RSF1: variants seen among roughly 807,000 people sequenced by gnomAD.
RSF1 encodes the protein remodeling and spacing factor 1.
In RSF1, 13 loss-of-function variants were observed where a neutral mutation model predicts 145.2. The ratio of observed to expected loss-of-function variants is 0.09; its 90% CI spans 0.06 to 0.14. The LOEUF (loss-of-function observed/expected upper bound fraction) is 0.14, where lower values mean the gene tolerates loss of function less well. Among genes scored for constraint, RSF1 ranks in the 10% least tolerant of loss-of-function variants. The pLI is 1.00. For missense variants in RSF1, 1,517 were observed against 1,718.2 expected (o/e 0.88, Z 2.07); for synonymous variants, 577 against 592.6 (o/e 0.97, Z 0.38).
intron 1 of RSF1, among the ~76,000 whole-genome samples, chr11:77,767,703 TCTAGTACCAGCAACC>T (rs1380175035): frequency 3.3e-5 from 5 of 152,234 alleles, no homozygotes; most frequent in African/African-American, 1.2e-4. Flanking sequence ...GTGATAGATT[TCTAGTACCAGCAACC>T]TTTTTGTCCC....
chr11:77,828,287 TACAC>T, the RSF1 span, among the ~76,000 whole-genome samples: 2 of 148,972 alleles, frequency 1.3e-5, no homozygotes, highest in Admixed American at 1.3e-4. Context: ...AAAAACAAAA[TACAC>T]AAACAGCAAA....
intron 1 of RSF1, among the ~76,000 whole-genome samples, chr11:77,806,224 T>G (rs1948675720): frequency 6.6e-6 from 1 of 150,538 alleles, no homozygotes. Context: ...GTGGGGCTCT[T>G]AGAAAAAAAA....
chr11:77,715,586 T>C (rs1278249711), intron 5 of RSF1, among the ~76,000 whole-genome samples: 1 of 152,124 alleles, frequency 6.6e-6, no homozygotes, highest in Non-Finnish European at 1.5e-5. Flanking sequence ...TAGCTGGGAT[T>C]ACAGGCTCAT....
rs763300403 is a variant in RSF1, at chr11:77,667,399, A to C, written c.3844T>G (p.Ser1282Ala). Residue 1282 changes from serine to alanine, a missense_variant, in exon 16 of 16, where the codon TCA (serine) becomes GCA (alanine). Coordinates refer to ENST00000308488, the MANE Select transcript of RSF1 (RefSeq NM_016578.4). ...TCCTCCTCCTCCTCATCTGCTTCTG[A>C]ATACTCGTCTGTGCTTCGGCCCCGC... Reference protein sequence around the residue: ...RKRGRSTDEYSEADEEEEEEE... With the variant: ...RKRGRSTDEYAEADEEEEEEE... The C allele has an allele frequency of 4.8e-5, 77 of 1,613,798 alleles. No homozygotes were observed. The South Asian group carries it at 8.1e-4, about 17-fold the overall frequency.
chr11:77,863,811 A>G, the RSF1 span, among the ~76,000 whole-genome samples: 1 of 151,974 alleles, frequency 6.6e-6, no homozygotes, highest in African/African-American at 2.4e-5. Flanking sequence ...CTCTCTGCCT[A>G]CCCCTATAAC....
chr11:77,682,380 A>C (rs1959886606), intron 11 of RSF1, among the ~76,000 whole-genome samples: 1 of 152,230 alleles, frequency 6.6e-6, no homozygotes, highest in Admixed American at 6.5e-5. Context: ...GTGTTATCCC[A>C]GCAGATTTTA....
chr11:77,753,121 T>A (rs559747144), intron 2 of RSF1, among the ~76,000 whole-genome samples: 7 of 152,236 alleles, frequency 4.6e-5, no homozygotes, highest in Admixed American at 3.3e-4. Flanking sequence ...GCCTATGGAG[T>A]AGCCATTCTT....
chr11:77,755,987 C>CA (rs1253737828), intron 2 of RSF1, among the ~76,000 whole-genome samples: 4 of 152,048 alleles, frequency 2.6e-5, no homozygotes. Flanking sequence ...GAAAGACATA[C>CA]AAAGGTATTG....
intron 5 of RSF1, among the ~76,000 whole-genome samples, chr11:77,704,441 G>T (rs1565154504): frequency 6.6e-6 from 1 of 152,156 alleles, no homozygotes; most frequent in Non-Finnish European, 1.5e-5. Context: ...TCATGACCCT[G>T]ATCCAACGTA....
At chr11:77,787,569 T>C (rs72931829) in intron 1 of RSF1, among the ~76,000 whole-genome samples, 19,474 of 151,862 alleles carry the variant, frequency 0.13, 1,412 homozygotes, top group Admixed American at 0.19. Context: ...ATACGTACTA[T>C]CTGGGTCTTT....
At chr11:77,799,993 G>C (rs1002049145) in intron 1 of RSF1, among the ~76,000 whole-genome samples, 3 of 152,088 alleles carry the variant, frequency 2.0e-5, no homozygotes, top group African/African-American at 4.8e-5. Context: ...AGAGTAAAGA[G>C]ACTGAGTCAC....
the RSF1 span, among the ~76,000 whole-genome samples, chr11:77,830,805 A>G: frequency 1.5e-4 from 23 of 152,040 alleles, no homozygotes; most frequent in Non-Finnish European, 2.5e-4. Context: ...GATACTCAAC[A>G]TCATTGATCA....
At chr11:77,731,290 T>C (rs1961201688) in intron 4 of RSF1, among the ~76,000 whole-genome samples, 1 of 152,060 alleles carries the variant, frequency 6.6e-6, no homozygotes, top group Non-Finnish European at 1.5e-5. Flanking sequence ...ATGAAGGAGA[T>C]GATTTAGGGT....
chr11:77,861,574 AC>A, the RSF1 span, among the ~76,000 whole-genome samples: 1 of 152,106 alleles, frequency 6.6e-6, no homozygotes, highest in Non-Finnish European at 1.5e-5. Context: ...GACTCAGAGG[AC>A]CTTCGTCCCC....
At chr11:77,867,893 G>C in the RSF1 span, among the ~76,000 whole-genome samples, 1 of 152,064 alleles carries the variant, frequency 6.6e-6, no homozygotes, top group Non-Finnish European at 1.5e-5. Context: ...GGAAGATTAG[G>C]AAGTTCAGAA....
In RSF1 at chr11:77,730,939, G is replaced by A. The variant is rs548849595; in HGVS notation, c.579-5240C>T. ...TTGTCTTTATCAGCAGCATGAAAAC[G>A]GACTAATATAGTAAATTGGTATCAG... On this transcript the variant is annotated intron_variant, in intron 4 of 15. Coordinates refer to ENST00000308488, the MANE Select transcript of RSF1 (RefSeq NM_016578.4). Among the ~76,000 whole-genome samples the A allele has an allele frequency of 4.6e-5, 7 of 152,196 alleles. No individual in the cohort carries two copies. The East Asian group carries it at 5.8e-4, about 13-fold the overall frequency.
intron 5 of RSF1, among the ~76,000 whole-genome samples, chr11:77,716,183 A>G (rs1395572046): frequency 6.6e-6 from 1 of 152,202 alleles, no homozygotes. Flanking sequence ...GAGAATGTGA[A>G]GTAGTACAGC....
Position 77,660,740 on chromosome 11 carries a change from C to G in RSF1, c.*6177G>C, listed in dbSNP as rs1242562844. The G allele has an allele frequency of 1.3e-5, 2 of 152,158 alleles. No homozygotes were observed. Among genetic ancestry groups the G allele is most frequent in the East Asian group, 3.9e-4 (2 of 5,184 alleles). The allele number at this position is 152,158 out of a possible 1,614,324, so 9.4% of individuals were successfully genotyped here. A position where few individuals can be genotyped will look rare whatever the true frequency, so the allele number is the denominator to read the frequency against. ...TAAATTTTTATGTGGAATTTGTATT[C>G]TTCATATGGAAACTCATGATCTGCA... On this transcript the variant is annotated 3_prime_UTR_variant, in exon 16 of 16. Coordinates refer to ENST00000308488, the MANE Select transcript of RSF1 (RefSeq NM_016578.4).
chr11:77,691,000 T>G, intron 9 of RSF1, 159 bp downstream of exon 9: 2 of 567,770 alleles, frequency 3.5e-6, no homozygotes, highest in Non-Finnish European at 6.2e-6. Context: ...TAAAAAACAT[T>G]CTTAGTTAGC....
Sources: gnomAD v4.1 joint callset for allele counts (sites outside exome capture counted in the v4.1 genomes callset) on GRCh38, gnomAD v4.1.1 for gene constraint, MANE v1.5 for transcripts, NCBI Gene and HGNC (gene_info 2026-07-23, HGNC 2026-07-21) for gene names.